The following MIAT variants were observed in gnomAD, a reference collection of about 807,000 sequenced individuals.
MIAT encodes the protein MI related novel mRNA.
At chr22:26,675,021 C>T (rs367688910) in exon 5 of MIAT, 2 of 398,652 alleles carry the variant, frequency 5.0e-6, no homozygotes, top group East Asian at 3.6e-5. Flanking sequence ...TTGATGTGCA[C>T]CTACTCTGTG....
intron 2 of MIAT, among the ~76,000 whole-genome samples, chr22:26,663,074 C>T (rs1346620498): frequency 6.6e-6 from 1 of 152,204 alleles, no homozygotes; most frequent in Non-Finnish European, 1.5e-5. Context: ...CAAGGTCACA[C>T]AGTTTGCCGG....
chr22:26,673,906 A>G (rs1445974182), downstream of MIAT: 1 of 398,496 alleles, frequency 2.5e-6, no homozygotes, highest in Non-Finnish European at 4.4e-6. Context: ...GCATATCTTC[A>G]CTCCTCATAG....
rs528497295 is a variant in MIAT, at chr22:26,662,383, C to A, written n.647-933C>A. ...GTAAAGTGGGGATAATAAAACCCAGCTTGTTTTGCCATGTAGATAAAGACA... is the reference window on the plus strand; with the variant it reads ...GTAAAGTGGGGATAATAAAACCCAGATTGTTTTGCCATGTAGATAAAGACA... On this transcript the variant is annotated intron_variant and non_coding_transcript_variant, in intron 2 of 5. Coordinates refer to ENST00000643270, the Ensembl canonical transcript of MIAT. Among the ~76,000 whole-genome samples the A allele has an allele frequency of 2.1e-4, 32 of 152,260 alleles. 1 individual carries two copies. The South Asian group carries it at 6.4e-3, about 31-fold the overall frequency.
chr22:26,654,682 G>C (rs1370329092), intron 2 of MIAT, among the ~76,000 whole-genome samples: 1 of 152,074 alleles, frequency 6.6e-6, no homozygotes, highest in East Asian at 1.9e-4. Flanking sequence ...AACAGGGCAA[G>C]ACCTTGTCTC....
At chr22:26,672,663 G>T, downstream of MIAT, 1 of 399,016 alleles carries the variant, frequency 2.5e-6, no homozygotes, top group Non-Finnish European at 4.4e-6. Flanking sequence ...GAAGTCACGA[G>T]GGGGGCGTAT....
chr22:26,671,791 T>C, downstream of MIAT: 1 of 398,276 alleles, frequency 2.5e-6, no homozygotes, highest in Non-Finnish European at 4.4e-6. Flanking sequence ...GCAGTGAGGA[T>C]TCCCGTCAAT....
At chr22:26,669,996 C>T, downstream of MIAT, 1 of 398,252 alleles carries the variant, frequency 2.5e-6, no homozygotes, top group Non-Finnish European at 4.4e-6. Context: ...GTGCCTGACT[C>T]CCAGTAGGTG....
chr22:26,666,860 G>A, exon 4 of MIAT: 2 of 398,874 alleles, frequency 5.0e-6, no homozygotes, highest in Non-Finnish European at 8.8e-6. Flanking sequence ...TGTCTTCCAG[G>A]ATGGGCCTGT....
At chr22:26,647,365 G>A (rs1930251394) in intron 2 of MIAT, 1 of 347,622 alleles carries the variant, frequency 2.9e-6, no homozygotes, top group Middle Eastern at 7.2e-4. Context: ...CGGCGGGGAC[G>A]TGGGGGGTGG....
chr22:26,673,560 T>C (rs1931143812), downstream of MIAT: 1 of 398,726 alleles, frequency 2.5e-6, no homozygotes, highest in Non-Finnish European at 4.4e-6. Flanking sequence ...GGTTTGTGGA[T>C]TTTTTTCTGA....
intron 2 of MIAT, among the ~76,000 whole-genome samples, chr22:26,661,917 CATATATATATATATATATAT>C (rs58654108): frequency 0.08 from 6,463 of 80,554 alleles, 457 homozygotes; most frequent in Middle Eastern, 0.13. Context: ...TATATAGATC[CATATATATATATATATATAT>C]ATATATATAT....
At chr22:26,661,974 A>G (rs1170789410) in intron 2 of MIAT, among the ~76,000 whole-genome samples, 1 of 111,276 alleles carries the variant, frequency 9.0e-6, no homozygotes, top group Non-Finnish European at 2.1e-5. Context: ...ACACACACAC[A>G]TATACATGGA....
intron 2 of MIAT, among the ~76,000 whole-genome samples, chr22:26,660,461 CAAAAAA>C (rs58234097): frequency 9.3e-6 from 1 of 107,182 alleles, no homozygotes. Flanking sequence ...GAGACTATCT[CAAAAAA>C]AAAAAAAAAA....
downstream of MIAT, chr22:26,672,748 G>GA: frequency 5.0e-6 from 2 of 399,018 alleles, no homozygotes; most frequent in Non-Finnish European, 8.8e-6. Flanking sequence ...CCGGAAGTCA[G>GA]AAAGCGGAGC....
chr22:26,672,973 C>T (rs191138261), downstream of MIAT: 141 of 398,596 alleles, frequency 3.5e-4, no homozygotes, highest in African/African-American at 2.4e-3. Context: ...CCGAGAGAGG[C>T]CGGTTTCCCC....
chr22:26,647,164 A>G (rs755036537), intron 1 of MIAT: 1 of 398,440 alleles, frequency 2.5e-6, no homozygotes, highest in Non-Finnish European at 4.4e-6. Context: ...TCTCTGTTCC[A>G]TCTATAAAGT....
chr22:26,648,330 C>A (rs1930274656), intron 2 of MIAT, among the ~76,000 whole-genome samples: 1 of 152,158 alleles, frequency 6.6e-6, no homozygotes, highest in Non-Finnish European at 1.5e-5. Flanking sequence ...GACAAAGAAG[C>A]AGCAGGGATG....
intron 2 of MIAT, among the ~76,000 whole-genome samples, chr22:26,648,467 C>G (rs1322192125): frequency 6.6e-6 from 1 of 151,940 alleles, no homozygotes; most frequent in Non-Finnish European, 1.5e-5. Context: ...GGCAAGGTCT[C>G]CTGGCCTCCT....
intron 3 of MIAT, among the ~76,000 whole-genome samples, chr22:26,665,248 AAAG>A (rs1930802506): frequency 2.1e-4 from 1 of 4,700 alleles, no homozygotes; most frequent in South Asian, 5.6e-3. Flanking sequence ...CTCCAGAAAA[AAAG>A]AAAGAAAGAA....
Sources: gnomAD v4.1 joint callset for allele counts (sites outside exome capture counted in the v4.1 genomes callset) on GRCh38, gnomAD v4.1.1 for gene constraint, MANE v1.5 for transcripts, NCBI Gene and HGNC (gene_info 2026-07-23, HGNC 2026-07-21) for gene names.